ADAM18: variants seen among roughly 807,000 people sequenced by gnomAD.
The protein encoded by ADAM18 is disintegrin and metalloproteinase domain-containing protein 18.
Under a neutral mutation model 94.4 loss-of-function variants are expected in ADAM18, and 117 were observed. The observed-to-expected ratio is 1.24, with a 90% CI of 1.07 to 1.45. The LOEUF (loss-of-function observed/expected upper bound fraction) is 1.45, where lower values mean the gene tolerates loss of function less well. ADAM18 is among the 40% of genes most tolerant of loss of function. ADAM18 has a pLI of 0.00. For missense variants in ADAM18, 936 were observed against 880.0 expected (o/e 1.06, Z -0.81); for synonymous variants, 327 against 291.6 (o/e 1.12, Z -1.24).
chr8:39,657,871 C>A (rs1820730362), intron 12 of ADAM18, among the ~76,000 whole-genome samples: 1 of 152,000 alleles, frequency 6.6e-6, no homozygotes, highest in Admixed American at 6.6e-5. Flanking sequence ...ACCTATGATA[C>A]CTCATAAATA....
At position 39,714,726 on chromosome 8, in the gene ADAM18, G is replaced by C. The variant is rs182543649; in HGVS notation, c.2017+7822G>C. Reference sequence around the variant, plus strand: ...TGACACATCAACATGTAGAAAATCAGTAAGTATAGTAAGTCCTCACTTAAT... The same window carrying C: ...TGACACATCAACATGTAGAAAATCACTAAGTATAGTAAGTCCTCACTTAAT... On this transcript the variant is annotated intron_variant, in intron 18 of 19. Transcript: ENST00000265707. 1.4e-3 allele frequency among the ~76,000 whole-genome samples: 213 copies of C among 152,178 alleles called. 1 individual carries two copies. The highest frequency in any genetic ancestry group is 1.4e-3 in the Non-Finnish European group (98 of 67,988).
At chr8:39,709,876 C>T (rs748772566) in intron 18 of ADAM18, among the ~76,000 whole-genome samples, 32 of 152,116 alleles carry the variant, frequency 2.1e-4, no homozygotes, top group Non-Finnish European at 4.4e-4. Context: ...TTTATGTATG[C>T]ACAGTTATAA....
At chr8:39,620,390 A>G (rs1266189611) in intron 6 of ADAM18, among the ~76,000 whole-genome samples, 1 of 148,818 alleles carries the variant, frequency 6.7e-6, no homozygotes, top group African/African-American at 2.4e-5. Flanking sequence ...AAAAATCACA[A>G]AACAAAACAA....
chr8:39,591,264 T>C (rs539459812), intron 2 of ADAM18, among the ~76,000 whole-genome samples: 3 of 152,308 alleles, frequency 2.0e-5, no homozygotes, highest in South Asian at 4.1e-4. Context: ...TGAAGTTTGC[T>C]GTGTCGGTTG....
intron 18 of ADAM18, among the ~76,000 whole-genome samples, chr8:39,711,828 A>T (rs1160987270): frequency 6.6e-6 from 1 of 152,050 alleles, no homozygotes; most frequent in Non-Finnish European, 1.5e-5. Flanking sequence ...ATAATGAAAG[A>T]AAGAGAGAGA....
At chr8:39,673,311 G>GTATTAT (rs145285000) in intron 14 of ADAM18, among the ~76,000 whole-genome samples, 1 of 151,808 alleles carries the variant, frequency 6.6e-6, no homozygotes, top group Non-Finnish European at 1.5e-5. Context: ...TTTGGCAAGT[G>GTATTAT]TATTATTATT....
intron 2 of ADAM18, among the ~76,000 whole-genome samples, chr8:39,595,490 T>C (rs577507549): frequency 3.9e-4 from 59 of 152,250 alleles, no homozygotes; most frequent in South Asian, 1.0e-3. Context: ...AATATGTATT[T>C]ATTTGTTTAT....
intron 18 of ADAM18, among the ~76,000 whole-genome samples, chr8:39,721,570 T>A (rs1822749093): frequency 6.6e-6 from 1 of 150,458 alleles, no homozygotes; most frequent in African/African-American, 2.4e-5. Flanking sequence ...AAAGAAAAAA[T>A]ATAAACAACC....
At chr8:39,592,650 G>C (rs1177960424) in intron 2 of ADAM18, among the ~76,000 whole-genome samples, 1 of 152,092 alleles carries the variant, frequency 6.6e-6, no homozygotes, top group African/African-American at 2.4e-5. Context: ...TGGTACAGTT[G>C]GACATAAAAT....
At chr8:39,659,132 T>A (rs565140732) in intron 12 of ADAM18, among the ~76,000 whole-genome samples, 1 of 152,152 alleles carries the variant, frequency 6.6e-6, no homozygotes, top group Non-Finnish European at 1.5e-5. Context: ...CATGAATGCA[T>A]GACTGATTTT....
At chr8:39,637,807 A>G in intron 9 of ADAM18, 104 bp downstream of exon 9, 1 of 1,044,098 alleles carries the variant, frequency 9.6e-7, no homozygotes. Context: ...GCCCCTTTGG[A>G]AGTGTTTAAA....
chr8:39,698,810 C>T (rs1307567523), intron 17 of ADAM18, among the ~76,000 whole-genome samples: 3 of 151,922 alleles, frequency 2.0e-5, no homozygotes, highest in African/African-American at 7.2e-5. Flanking sequence ...ATCTAAGACA[C>T]AGTTTTATAA....
rs1344877155 is a variant in ADAM18, at chr8:39,609,553, T to C, written c.336T>C (p.Ser112=). 6.2e-7 allele frequency: 1 copy of C among 1,606,052 alleles called. No homozygotes were observed. The highest frequency in any genetic ancestry group is 8.5e-7 in the Non-Finnish European group (1 of 1,174,620). ...PNSFVTLSIC[S]GLRGFLQFEN... The stretch of plus-strand genomic sequence containing the variant: ...CATTTGTGACACTCAGTATATGTTC[T>C]GGTCTCAGGTAATAGCACCTTATAA... The change falls in exon 5 of 20, where the codon TCT becomes TCC. Residue 112 remains serine, a synonymous_variant. Transcript: ENST00000265707.
At chr8:39,666,980 C>G (rs1821007051) in intron 13 of ADAM18, among the ~76,000 whole-genome samples, 1 of 152,140 alleles carries the variant, frequency 6.6e-6, no homozygotes, top group Admixed American at 6.6e-5. Flanking sequence ...GTGAACTTCA[C>G]TATGGATGGC....
intron 2 of ADAM18, among the ~76,000 whole-genome samples, chr8:39,589,959 A>C (rs1243764790): frequency 2.0e-5 from 3 of 147,530 alleles, no homozygotes; most frequent in Non-Finnish European, 3.0e-5. Context: ...GGATGTGGAG[A>C]AATAGGAGCA....
At chr8:39,605,959 G>T (rs951487906) in intron 2 of ADAM18, among the ~76,000 whole-genome samples, 2 of 152,042 alleles carry the variant, frequency 1.3e-5, no homozygotes, top group African/African-American at 2.4e-5. Context: ...TGTGATGTTT[G>T]GTTTTCTATT....
chr8:39,608,951 A>C, intron 3 of ADAM18, 91 bp from the exon 4 acceptor site: 1 of 753,318 alleles, frequency 1.3e-6, no homozygotes, highest in Non-Finnish European at 2.2e-6. Flanking sequence ...AAGCTAATTA[A>C]ATCGTGTTAT....
chr8:39,654,522 T>C (rs1820633150), intron 12 of ADAM18, among the ~76,000 whole-genome samples: 1 of 152,202 alleles, frequency 6.6e-6, no homozygotes, highest in Admixed American at 6.5e-5. Flanking sequence ...GCAGGTATCT[T>C]TTGAGTATAC....
At chr8:39,640,084 A>G (rs1183421718) in intron 10 of ADAM18, among the ~76,000 whole-genome samples, 1 of 152,030 alleles carries the variant, frequency 6.6e-6, no homozygotes, top group Non-Finnish European at 1.5e-5. Context: ...TACCTAGTTA[A>G]AAGTGTGCCA....
Sources: allele counts gnomAD v4.1 joint callset (sites outside exome capture counted in the v4.1 genomes callset), GRCh38; gene constraint gnomAD v4.1.1; transcripts MANE v1.5; gene names NCBI Gene and HGNC (gene_info 2026-07-23, HGNC 2026-07-21).